Variants in PCDHA7 observed in about 807,000 individuals in gnomAD.
PCDHA7 encodes the protein protocadherin alpha-7.
Under a neutral mutation model 57.2 loss-of-function variants are expected in PCDHA7, and 37 were observed. The observed-to-expected ratio is 0.65, with a 90% CI of 0.50 to 0.85. The LOEUF (loss-of-function observed/expected upper bound fraction) is 0.85. Ranked by LOEUF, PCDHA7 falls within the 40% of genes least tolerant of loss-of-function variation. The pLI, the probability that PCDHA7 is intolerant of heterozygous loss-of-function variation, is 0.00. For missense variants in PCDHA7, 1,188 were observed against 1,241.8 expected (o/e 0.96, Z 0.65); for synonymous variants, 553 against 558.8 (o/e 0.99, Z 0.15).
intron 1 of PCDHA7, among the ~76,000 whole-genome samples, chr5:140,917,252 C>T (rs536856521): frequency 3.2e-4 from 47 of 149,018 alleles, no homozygotes; most frequent in Non-Finnish European, 4.9e-4. Flanking sequence ...TACGATTGCT[C>T]ACCTGATGTT....
At chr5:140,849,675 C>A (rs2150444772) in intron 1 of PCDHA7, 1 of 1,598,600 alleles carries the variant, frequency 6.3e-7, no homozygotes. Context: ...GCCCCACGTC[C>A]CCTTCAAGCT....
At chr5:140,927,547 G>A (rs2084343936) in intron 1 of PCDHA7, 2 of 1,614,126 alleles carry the variant, frequency 1.2e-6, no homozygotes, top group Non-Finnish European at 8.5e-7. Flanking sequence ...AGACGCACAA[G>A]TCACCATCAT....
At chr5:140,875,790 G>A (rs376091049) in intron 1 of PCDHA7, 1 of 1,614,214 alleles carries the variant, frequency 6.2e-7, no homozygotes, top group Non-Finnish European at 8.5e-7. Flanking sequence ...GTATCCACCT[G>A]GAGGTGATCG....
chr5:140,978,875 T>A, intron 1 of PCDHA7, 74 bp from the exon 2 acceptor site: 2 of 1,609,316 alleles, frequency 1.2e-6, no homozygotes, highest in Non-Finnish European at 1.7e-6. Flanking sequence ...AGGGAGTAAC[T>A]AATCAATTAG....
At chr5:140,860,679 T>C (rs1465789150) in intron 1 of PCDHA7, 1 of 152,238 alleles carries the variant, frequency 6.6e-6, no homozygotes, top group Non-Finnish European at 1.5e-5. Flanking sequence ...AATGCACTTA[T>C]GTTTTGAGCG....
chr5:140,887,309 G>T (rs2061400609), intron 1 of PCDHA7, among the ~76,000 whole-genome samples: 1 of 152,182 alleles, frequency 6.6e-6, no homozygotes, highest in South Asian at 2.1e-4. Flanking sequence ...TGTTAGCCAG[G>T]ATAGTCTCGA....
intron 1 of PCDHA7, among the ~76,000 whole-genome samples, chr5:140,945,121 C>T (rs1412218992): frequency 6.6e-6 from 1 of 152,042 alleles, no homozygotes; most frequent in East Asian, 1.9e-4. Context: ...GATAAAAAAT[C>T]AACTTACAAA....
At chr5:140,878,028 G>A in intron 1 of PCDHA7, 1 of 666,892 alleles carries the variant, frequency 1.5e-6, no homozygotes, top group Non-Finnish European at 2.2e-6. Context: ...AAATATGTAG[G>A]TACAATGGAG....
At chr5:140,998,196 C>T (rs960565673) in intron 3 of PCDHA7, among the ~76,000 whole-genome samples, 2 of 152,164 alleles carry the variant, frequency 1.3e-5, no homozygotes, top group African/African-American at 4.8e-5. Flanking sequence ...CAAGTATTAA[C>T]TCCTTTAATC....
At chr5:140,926,872 AC>A in intron 1 of PCDHA7, 1 of 1,525,488 alleles carries the variant, frequency 6.6e-7, no homozygotes, top group Non-Finnish European at 8.8e-7. Flanking sequence ...TGTTGGTGGA[AC>A]GTGGACGCCT....
intron 1 of PCDHA7, chr5:140,849,282 C>T: frequency 8.4e-7 from 1 of 1,191,290 alleles, no homozygotes; most frequent in Non-Finnish European, 1.2e-6. Context: ...GCTGGTGATT[C>T]ACCCCAATGC....
intron 1 of PCDHA7, among the ~76,000 whole-genome samples, chr5:140,937,928 G>T (rs997116789): frequency 4.0e-5 from 6 of 148,604 alleles, no homozygotes; most frequent in Non-Finnish European, 8.9e-5. Context: ...AAAAAAAAAA[G>T]TTTAATTTGA....
In PCDHA7 at chr5:140,840,083, C is replaced by G. The variant is rs2150303181; in HGVS notation, c.2355+3345C>G. Among the ~76,000 whole-genome samples, 6 of 151,974 alleles carry G rather than the reference C, an allele frequency of 3.9e-5. No individual in the cohort carries two copies. The East Asian group carries it at 7.7e-4, about 20-fold the overall frequency. On this transcript the variant is annotated intron_variant, in intron 1 of 3. Coordinates refer to ENST00000525929, the MANE Select transcript of PCDHA7 (RefSeq NM_018910.3). The stretch of plus-strand genomic sequence containing the variant: ...GACAATTAGTCAATAGAAAGATAAA[C>G]TTGTTGAAGATTTTAGTGAAATCGA...
At position 140,846,759 on chromosome 5, in the gene PCDHA7, C is replaced by T. The variant is rs1032895477; in HGVS notation, c.2355+10021C>T. Among the ~76,000 whole-genome samples the T allele has an allele frequency of 1.0e-4, 15 of 149,272 alleles. 2 individuals carry two copies. Among genetic ancestry groups the T allele is most frequent in the Admixed American group, 2.0e-4 (3 of 14,888 alleles). On this transcript the variant is annotated intron_variant, in intron 1 of 3. Transcript: ENST00000525929. Reference sequence around the variant, plus strand: ...TAGGACCCTTACAGATCTCTAACAGCATATCATCATGTCAGGAATTATTAC... The same window carrying T: ...TAGGACCCTTACAGATCTCTAACAGTATATCATCATGTCAGGAATTATTAC...
chr5:140,978,044 G>A (rs1205342779), intron 1 of PCDHA7, among the ~76,000 whole-genome samples: 1 of 152,140 alleles, frequency 6.6e-6, no homozygotes, highest in Non-Finnish European at 1.5e-5. Flanking sequence ...GACAGTGATG[G>A]TGACTGATGA....
At chr5:140,909,025 T>C (rs1226589511) in intron 1 of PCDHA7, among the ~76,000 whole-genome samples, 1 of 152,156 alleles carries the variant, frequency 6.6e-6, no homozygotes, top group African/African-American at 2.4e-5. Context: ...TGAATTTTAG[T>C]CATTTATTTT....
At chr5:140,895,197 T>C (rs782373000) in intron 1 of PCDHA7, among the ~76,000 whole-genome samples, 2 of 152,182 alleles carry the variant, frequency 1.3e-5, no homozygotes, top group Non-Finnish European at 1.5e-5. Flanking sequence ...AAGTTTTGAA[T>C]TTGCTTTTAT....
At chr5:140,922,002 A>G (rs138196210) in intron 1 of PCDHA7, among the ~76,000 whole-genome samples, 100 of 152,130 alleles carry the variant, frequency 6.6e-4, no homozygotes, top group Admixed American at 1.6e-3. Flanking sequence ...CAATGAAATG[A>G]TTAGTTTAAA....
At chr5:140,922,373 C>A (rs1337198160) in intron 1 of PCDHA7, among the ~76,000 whole-genome samples, 1 of 152,158 alleles carries the variant, frequency 6.6e-6, no homozygotes, top group African/African-American at 2.4e-5. Context: ...CACTGAGATG[C>A]AAAACCAAAG....
Sources: allele counts gnomAD v4.1 joint callset (sites outside exome capture counted in the v4.1 genomes callset), GRCh38; gene constraint gnomAD v4.1.1; transcripts MANE v1.5; gene names NCBI Gene and HGNC (gene_info 2026-07-23, HGNC 2026-07-21).